VWA2: variants seen among roughly 807,000 people sequenced by gnomAD.
VWA2 encodes the protein von Willebrand factor A domain-containing protein 2.
A neutral mutation model predicts 70.4 loss-of-function variants in VWA2; 73 were observed. That is an observed-to-expected ratio of 1.04 (90% CI 0.86 to 1.26). The LOEUF is 1.26. VWA2 is among the 50% of genes most tolerant of loss of function. The pLI is 0.00. For missense variants in VWA2, 1,011 were observed against 998.5 expected (o/e 1.01, Z -0.17); for synonymous variants, 407 against 423.3 (o/e 0.96, Z 0.47).
chr10:114,254,472 A>T (rs758675200), intron 3 of VWA2, among the ~76,000 whole-genome samples: 1 of 152,124 alleles, frequency 6.6e-6, no homozygotes, highest in African/African-American at 2.4e-5. Flanking sequence ...TCCATCTCCC[A>T]CCATATTCCT....
intron 12 of VWA2, 151 bp downstream of exon 12, chr10:114,289,640 CAT>C: frequency 8.4e-6 from 7 of 832,142 alleles, no homozygotes; most frequent in Non-Finnish European, 1.3e-5. Context: ...CCCATGCTCA[CAT>C]AAAATCCTAC....
At chr10:114,266,643 A>G (rs1210463960) in intron 5 of VWA2, among the ~76,000 whole-genome samples, 2 of 152,184 alleles carry the variant, frequency 1.3e-5, no homozygotes, top group Non-Finnish European at 2.9e-5. Flanking sequence ...TAAAATCAAG[A>G]TAAGACCTGG....
In VWA2 at chr10:114,278,841, C is replaced by G; in HGVS notation, c.823C>G (p.Pro275Ala). ...RTLAVLAAHC[P>A]FYSWKRVFLT... is the part of the protein sequence containing the mutation. ...CCTTGCGGTGCTGGCTGCACACTGT[C>G]CCTTCTACAGGTTTGTCTGCGCGGT... is the stretch of plus-strand genomic sequence containing the variant. The change falls in exon 8 of 14, where the codon CCC (proline) becomes GCC (alanine). Residue 275 changes from proline (P) to alanine (A), a missense_variant. Physicochemically the swap from Pro to Ala is conservative, Grantham distance 27. Coordinates refer to ENST00000392982, the MANE Select transcript of VWA2 (RefSeq NM_001272046.2). 2 of 1,613,028 alleles carry G rather than the reference C, an allele frequency of 1.2e-6. No homozygotes were observed. Among genetic ancestry groups the G allele is most frequent in the Middle Eastern group, 1.9e-4 (1 of 5,200 alleles).
rs954390734 is a variant in VWA2 at position 114,281,351 on chromosome 10, G to C, written c.834-1165G>C. ...GCCCCGGAGACGCAGGAGAGGCGAG[G>C]GTGAGGCCCACAGGGTAGAGTGGGG... On this transcript the variant is annotated intron_variant, in intron 8 of 13. Transcript: ENST00000392982. 3.3e-5 allele frequency: 5 copies of C among 152,390 alleles called. No homozygotes were observed. In the East Asian group the frequency reaches 9.7e-4, roughly 29 times the overall value. 9.4% of individuals were successfully genotyped at this position (152,390 alleles called of 1,614,324 possible).
chr10:114,243,279 C>T (rs189367048), intron 1 of VWA2, among the ~76,000 whole-genome samples: 5 of 152,116 alleles, frequency 3.3e-5, no homozygotes, highest in African/African-American at 4.8e-5. Flanking sequence ...TTTCTTGGTG[C>T]GGACTTTTGG....
chr10:114,246,319 G>A (rs2037067322), intron 1 of VWA2: 1 of 581,620 alleles, frequency 1.7e-6, no homozygotes, highest in Admixed American at 2.7e-5. Flanking sequence ...TGATCAACAT[G>A]GTGAAACCCC....
At chr10:114,291,149 CAG>C (rs1021973508) in intron 13 of VWA2, 67 bp from the exon 14 acceptor site, 13 of 1,543,216 alleles carry the variant, frequency 8.4e-6, no homozygotes, top group Non-Finnish European at 1.1e-5. Context: ...AAGGGGTCCT[CAG>C]AGGCTGCTGG....
At chr10:114,245,920 G>A (rs1457729138) in intron 1 of VWA2, among the ~76,000 whole-genome samples, 4 of 152,170 alleles carry the variant, frequency 2.6e-5, no homozygotes. Context: ...GAGCTCTATA[G>A]ACAGTTCCAA....
At chr10:114,264,187 T>A (rs947451158) in intron 5 of VWA2, among the ~76,000 whole-genome samples, 2 of 152,228 alleles carry the variant, frequency 1.3e-5, no homozygotes, top group African/African-American at 4.8e-5. Flanking sequence ...AAAATAGTTG[T>A]ATGCTAATGT....
At chr10:114,257,300 C>A (rs1230433380) in intron 4 of VWA2, among the ~76,000 whole-genome samples, 1 of 152,146 alleles carries the variant, frequency 6.6e-6, no homozygotes, top group African/African-American at 2.4e-5. Context: ...TGCACAGGAC[C>A]CTGCTTTTAA....
intron 4 of VWA2, among the ~76,000 whole-genome samples, chr10:114,256,053 G>T (rs1053650237): frequency 1.3e-5 from 2 of 152,284 alleles, no homozygotes; most frequent in East Asian, 1.9e-4. Context: ...GAATCCAATA[G>T]TATTCATCCC....
chr10:114,250,451 G>A (rs980242463), intron 2 of VWA2, among the ~76,000 whole-genome samples: 8 of 152,292 alleles, frequency 5.3e-5, no homozygotes, highest in Non-Finnish European at 8.8e-5. Context: ...TGGACTGGGC[G>A]GCCAAGCTGT....
Position 114,286,228 on chromosome 10 carries a change from G to A in VWA2, c.1287G>A (p.Ala429=), listed in dbSNP as rs753509591. ...TGACGGGCAGTGCCTTGCGGCAGGCGGCAGAGCGTGGCTTCGGGAGCGCCA... is the reference window on the plus strand; with the variant it reads ...TGACGGGCAGTGCCTTGCGGCAGGCAGCAGAGCGTGGCTTCGGGAGCGCCA... ...PTLTGSALRQ[A]AERGFGSATR... The change falls in exon 11 of 14, where the codon GCG becomes GCA. Residue 429 remains alanine (A), a synonymous_variant. Transcript: ENST00000392982. 163 of 1,613,302 alleles carry A rather than the reference G, an allele frequency of 1.0e-4. No homozygotes were observed. Among genetic ancestry groups the A allele is most frequent in the Admixed American group, 1.8e-4 (11 of 59,962 alleles).
Position 114,277,168 on chromosome 10 carries a change from CTTTTTTTTTTTTTT to C in VWA2, c.567-729_567-716del, listed in dbSNP as rs780326649. ...TCTAGATACATTACTGACTGCACGTCTTTTTTTTTTTTTTTTTTTTTTTTTTTTTTCTGGAGACA... is the reference window on the plus strand; with the variant it reads ...TCTAGATACATTACTGACTGCACGTCTTTTTTTTTTTTTTTTCTGGAGACA... On this transcript the variant is annotated intron_variant, in intron 6 of 13. Transcript: ENST00000392982. Among the ~76,000 whole-genome samples the C allele has an allele frequency of 1.5e-3, 91 of 61,216 alleles. 1 individual carries two copies. The highest frequency in any genetic ancestry group is 1.9e-3 in the Non-Finnish European group (60 of 32,336). The allele number at this position is 61,216 out of a possible 152,430, so 40.2% of individuals were successfully genotyped here. A position where few individuals can be genotyped will look rare whatever the true frequency, so the allele number is the denominator to read the frequency against.
intron 3 of VWA2, 99 bp downstream of exon 3, chr10:114,253,824 T>G: frequency 8.7e-7 from 1 of 1,144,418 alleles, no homozygotes. Flanking sequence ...TCTGCCCCTT[T>G]CCCATCTTCC....
At chr10:114,255,098 G>A (rs2037295041) in intron 4 of VWA2, 50 bp downstream of exon 4, 6 of 1,600,786 alleles carry the variant, frequency 3.7e-6, no homozygotes, top group South Asian at 1.1e-5. Context: ...TCTGTGATAA[G>A]GGACAGAAAC....
At chr10:114,278,190 GCT>G in intron 7 of VWA2, 143 bp downstream of exon 7, 2 of 1,219,156 alleles carry the variant, frequency 1.6e-6, no homozygotes, top group Middle Eastern at 2.9e-4. Flanking sequence ...CACCCTGGAT[GCT>G]CTGCGTCTCC....
chr10:114,261,034 C>T (rs919571785), intron 4 of VWA2, 152 bp from the exon 5 acceptor site: 22 of 580,140 alleles, frequency 3.8e-5, no homozygotes, highest in African/African-American at 1.9e-5. Context: ...GTCTTTGGAA[C>T]CTCCTTCTAG....
chr10:114,287,885 C>T (rs947967821), intron 11 of VWA2, among the ~76,000 whole-genome samples: 1 of 152,034 alleles, frequency 6.6e-6, no homozygotes, highest in Non-Finnish European at 1.5e-5. Flanking sequence ...TTAGTTTTTA[C>T]CTAATGTCTT....
Sources: gnomAD v4.1 joint callset for allele counts (sites outside exome capture counted in the v4.1 genomes callset) on GRCh38, gnomAD v4.1.1 for gene constraint, MANE v1.5 for transcripts, NCBI Gene and HGNC (gene_info 2026-07-23, HGNC 2026-07-21) for gene names.